The following PCDH11X variants were observed in gnomAD, a reference collection of about 807,000 sequenced individuals.
PCDH11X encodes protocadherin-11 X-linked.
PCDH11X carries 18 observed loss-of-function variants against 53.3 expected under a neutral mutation model. The ratio of observed to expected loss-of-function variants is 0.34; its 90% CI spans 0.23 to 0.50. The LOEUF (loss-of-function observed/expected upper bound fraction) is 0.50, where lower values mean the gene tolerates loss of function less well. Ranked by LOEUF, PCDH11X falls within the 20% of genes least tolerant of loss-of-function variation. PCDH11X has a pLI of 0.98. For missense variants in PCDH11X, 570 were observed against 1,032.4 expected (o/e 0.55, Z 6.14); for synonymous variants, 279 against 393.3 (o/e 0.71, Z 3.44).
chrX:92,243,683 CA>C (rs2067301731), intron 7 of PCDH11X, among the ~76,000 whole-genome samples: 1 of 111,444 alleles, frequency 9.0e-6, no homozygotes, highest in Non-Finnish European at 1.9e-5. Context: ...ATACCACCAA[CA>C]GTAAGTTTGA....
At chrX:92,229,670 C>A (rs1361801450) in intron 7 of PCDH11X, among the ~76,000 whole-genome samples, 1 of 111,595 alleles carries the variant, frequency 9.0e-6, no homozygotes, top group Non-Finnish European at 1.9e-5. Flanking sequence ...ATAATTATAA[C>A]TTTTCCAATT....
At chrX:92,239,528 A>G (rs923266522) in intron 7 of PCDH11X, among the ~76,000 whole-genome samples, 1 of 111,601 alleles carries the variant, frequency 9.0e-6, no homozygotes, top group Non-Finnish European at 1.9e-5. Flanking sequence ...AAATGAAATG[A>G]TAACTTTTGT....
At chrX:92,001,809 C>G (rs1259594944) in intron 6 of PCDH11X, among the ~76,000 whole-genome samples, 1 of 110,969 alleles carries the variant, frequency 9.0e-6, no homozygotes, top group Non-Finnish European at 1.9e-5. Flanking sequence ...AATCTCTTGT[C>G]AGATGGGTAG....
At chrX:92,302,146 C>T (rs1379716915) in intron 8 of PCDH11X, among the ~76,000 whole-genome samples, 1 of 111,482 alleles carries the variant, frequency 9.0e-6, no homozygotes, top group Admixed American at 9.6e-5. Flanking sequence ...GCTGCATTTA[C>T]CTGAAACTTA....
At chrX:91,997,404 A>G (rs1052222771) in intron 6 of PCDH11X, among the ~76,000 whole-genome samples, 2 of 111,349 alleles carry the variant, frequency 1.8e-5, no homozygotes, top group African/African-American at 6.5e-5. Context: ...TCTATATCTA[A>G]TTTATTGAAA....
rs945831034 is a variant in PCDH11X at position 92,276,798 on chromosome X, C to A, written c.3144+13655C>A. On this transcript the variant is annotated intron_variant, in intron 8 of 10. Transcript: ENST00000682573. ...ATTGAGAATAAGATGGCCTTTTGACCTTTTAGGGTCTAGGGCTGTAAAGCT... is the reference window on the plus strand; with the variant it reads ...ATTGAGAATAAGATGGCCTTTTGACATTTTAGGGTCTAGGGCTGTAAAGCT... Among the ~76,000 whole-genome samples, 4 of 111,515 alleles carry A rather than the reference C, an allele frequency of 3.6e-5. No homozygotes were observed. In the East Asian group the frequency reaches 8.5e-4, roughly 24 times the overall value.
chrX:92,110,877 G>A (rs1225730766), intron 6 of PCDH11X, among the ~76,000 whole-genome samples: 1 of 110,297 alleles, frequency 9.1e-6, no homozygotes, highest in Non-Finnish European at 1.9e-5. Flanking sequence ...TCTTTTCACA[G>A]CACACCATAT....
chrX:92,423,358 C>T (rs190861767), intron 9 of PCDH11X, among the ~76,000 whole-genome samples: 2 of 96,185 alleles, frequency 2.1e-5, no homozygotes, highest in East Asian at 3.0e-4. Context: ...TCTGTTAATT[C>T]GTTTGAGTTC....
At chrX:92,342,550 C>A (rs1480406729) in intron 8 of PCDH11X, among the ~76,000 whole-genome samples, 1 of 111,737 alleles carries the variant, frequency 8.9e-6, no homozygotes, top group Non-Finnish European at 1.9e-5. Flanking sequence ...ATATCCTGTG[C>A]AGCAATGTGA....
intron 6 of PCDH11X, among the ~76,000 whole-genome samples, chrX:92,032,409 G>T (rs1401675906): frequency 9.0e-6 from 1 of 110,868 alleles, no homozygotes; most frequent in Non-Finnish European, 1.9e-5. Context: ...CCAAGTATAA[G>T]ATCATATCAT....
chrX:92,097,572 T>A (rs780685195), intron 6 of PCDH11X, among the ~76,000 whole-genome samples: 148 of 110,755 alleles, frequency 1.3e-3, no homozygotes, highest in African/African-American at 4.8e-3. Flanking sequence ...ATATGAAAAA[T>A]TTGATATTTA....
intron 1 of PCDH11X, among the ~76,000 whole-genome samples, chrX:91,780,663 GCT>G (rs1010266278): frequency 8.9e-6 from 1 of 112,525 alleles, no homozygotes; most frequent in African/African-American, 3.2e-5. Flanking sequence ...CGATAAAACG[GCT>G]CTTTTTTTTC....
At chrX:92,201,231 CATAA>C (rs1246364466) in intron 6 of PCDH11X, 140 bp from the exon 7 acceptor site, 97 of 775,930 alleles carry the variant, frequency 1.3e-4, no homozygotes, top group Non-Finnish European at 1.7e-4. Context: ...CCATTTGTTA[CATAA>C]ATAAACTATG....
At chrX:92,365,063 T>C (rs1305941930) in intron 8 of PCDH11X, among the ~76,000 whole-genome samples, 1 of 80,790 alleles carries the variant, frequency 1.2e-5, no homozygotes, top group Non-Finnish European at 2.5e-5. Context: ...GTCAAAATAA[T>C]CAATATCGCT....
chrX:92,249,689 G>C (rs904053056), intron 7 of PCDH11X, among the ~76,000 whole-genome samples: 1 of 112,239 alleles, frequency 8.9e-6, no homozygotes, highest in African/African-American at 3.2e-5. Context: ...ACATTGTTTT[G>C]AGAATATTTT....
At chrX:92,056,022 G>C (rs1056934007) in intron 6 of PCDH11X, among the ~76,000 whole-genome samples, 1 of 109,606 alleles carries the variant, frequency 9.1e-6, no homozygotes, top group Non-Finnish European at 1.9e-5. Context: ...CTTTATAATA[G>C]AATGATTTAT....
intron 6 of PCDH11X, among the ~76,000 whole-genome samples, chrX:92,166,179 AAG>A (rs2065728925): frequency 9.3e-6 from 1 of 107,053 alleles, no homozygotes; most frequent in Non-Finnish European, 1.9e-5. Flanking sequence ...AATACATTAA[AAG>A]AGAAAAATAT....
In PCDH11X at chrX:91,835,812, A is replaced by G; in HGVS notation, c.308A>G (p.Asp103Gly). The G allele has an allele frequency of 7.4e-6, 9 of 1,210,943 alleles. No homozygotes were observed. Among genetic ancestry groups the G allele is most frequent in the Non-Finnish European group, 1.0e-5 (9 of 895,257 alleles). ...AAATTATGTGCTGGTATCCCAAGGG[A>G]TGAGCATTGCTTTTATGAAGTGGAG... ...REKLCAGIPR[D>G]EHCFYEVEVA... Residue 103 changes from aspartate to glycine, a missense_variant, in exon 5 of 11, where the codon GAT becomes GGT. Asp to Gly is a moderately conservative substitution (Grantham distance 94). This residue lies in a region of PCDH11X where 84 missense variants were observed against 142.0 expected (regional missense o/e 0.59). Transcript: ENST00000682573.
chrX:92,182,848 A>G (rs1225104899), intron 6 of PCDH11X, among the ~76,000 whole-genome samples: 2 of 111,131 alleles, frequency 1.8e-5, no homozygotes, highest in Non-Finnish European at 3.8e-5. Context: ...CAGCAGCATG[A>G]AAGTGGACTA....
Sources: allele counts gnomAD v4.1 joint callset (sites outside exome capture counted in the v4.1 genomes callset), GRCh38; gene constraint gnomAD v4.1.1; regional missense constraint gnomAD v4.1.1; transcripts MANE v1.5; gene names NCBI Gene and HGNC (gene_info 2026-07-23, HGNC 2026-07-21).